ASB1: variants seen among roughly 807,000 people sequenced by gnomAD.
ASB1 encodes ankyrin repeat and SOCS box containing 1.
In ASB1, 18 loss-of-function variants were observed where a neutral mutation model predicts 27.7. The observed-to-expected ratio is 0.65, with a 90% CI of 0.45 to 0.96. ASB1 has a LOEUF of 0.96. ASB1 is among the 50% of genes least tolerant of loss of function. The pLI is 0.00. For synonymous variants in ASB1, 189 were observed against 187.6 expected (o/e 1.01, Z -0.06); for missense variants, 397 against 451.7 (o/e 0.88, Z 1.10).
At position 238,435,942 on chromosome 2, in the gene ASB1, G is replaced by T. The variant is rs918830206; in HGVS notation, c.423G>T (p.Arg141=). The part of the protein sequence containing the change: ...LEAGADPNGS[R]HHRSTPVYHA... ...CTGGCGCGGACCCCAACGGAAGCCG[G>T]CACCATCGCAGCACCCCTGTCTACC... Residue 141 remains arginine, a synonymous_variant, in exon 3 of 5, where the codon CGG becomes CGT. Transcript: ENST00000264607. 1 of 1,614,038 alleles carries T rather than the reference G, an allele frequency of 6.2e-7. No homozygotes were observed. The highest frequency in any genetic ancestry group is 1.3e-5 in the African/African-American group (1 of 74,948).
chr2:238,445,730 A>C (rs1702167576), intron 4 of ASB1, among the ~76,000 whole-genome samples: 1 of 152,146 alleles, frequency 6.6e-6, no homozygotes, highest in African/African-American at 2.4e-5. Context: ...AAGGACTTTA[A>C]ATTCATTGTG....
At chr2:238,438,067 T>C (rs1702005733) in intron 3 of ASB1, among the ~76,000 whole-genome samples, 1 of 152,194 alleles carries the variant, frequency 6.6e-6, no homozygotes. Context: ...GGAAATGCTT[T>C]TGAGTAGGAT....
chr2:238,437,291 G>A (rs1039775051), intron 3 of ASB1, among the ~76,000 whole-genome samples: 1 of 151,988 alleles, frequency 6.6e-6, no homozygotes, highest in Non-Finnish European at 1.5e-5. Context: ...GAGTGCAGTG[G>A]CGCGATCTTG....
intron 1 of ASB1, among the ~76,000 whole-genome samples, chr2:238,431,961 A>G (rs1280281521): frequency 6.6e-6 from 1 of 152,252 alleles, no homozygotes; most frequent in Non-Finnish European, 1.5e-5. Context: ...CACAAAATGG[A>G]CACATCCTGT....
At chr2:238,445,691 G>C (rs1010274848) in intron 4 of ASB1, among the ~76,000 whole-genome samples, 29 of 152,266 alleles carry the variant, frequency 1.9e-4, no homozygotes, top group African/African-American at 6.3e-4. Flanking sequence ...CATCCAAGTT[G>C]ATAACCTCTT....
intron 3 of ASB1, among the ~76,000 whole-genome samples, chr2:238,436,763 A>ACTCT (rs35982899): frequency 2.2e-5 from 3 of 137,624 alleles, no homozygotes; most frequent in Non-Finnish European, 4.5e-5. Context: ...TTAGGTTAGC[A>ACTCT]CTCTCTCTCT....
At chr2:238,427,434 A>G (rs565106507) in intron 1 of ASB1, 44 of 277,362 alleles carry the variant, frequency 1.6e-4, no homozygotes, top group Non-Finnish European at 2.7e-4. Context: ...CAAAAGTAGG[A>G]CGTGGGCCAC....
At position 238,451,041 on chromosome 2, in the gene ASB1, CG is replaced by C; in HGVS notation, c.*4531del. On this transcript the variant is annotated 3_prime_UTR_variant, in exon 5 of 5. Coordinates refer to ENST00000264607, the MANE Select transcript of ASB1 (RefSeq NM_001040445.3). ...CAGTGTGGAATGAACGCTCCAAACC[CG>C]AACCTCTCAGTGTGGAATGAACGCT... is the stretch of plus-strand genomic sequence containing the variant. The C allele has an allele frequency of 6.6e-6, 1 of 151,898 alleles. No homozygotes were observed. The highest frequency in any genetic ancestry group is 2.1e-4 in the South Asian group (1 of 4,782). 9.4% of individuals were successfully genotyped at this position (151,898 alleles called of 1,614,324 possible).
In ASB1 at chr2:238,448,374, C is replaced by T. The variant is rs1264059997; in HGVS notation, c.*1863C>T. 1.3e-5 allele frequency: 2 copies of T among 152,424 alleles called. No individual in the cohort carries two copies. Among genetic ancestry groups the T allele is most frequent in the Non-Finnish European group, 2.9e-5 (2 of 68,230 alleles). 9.4% of individuals were successfully genotyped at this position (152,424 alleles called of 1,614,324 possible). A position where few individuals can be genotyped will look rare whatever the true frequency, so the allele number is the denominator to read the frequency against. ...CACCACCGTGGACTGGGCCTTGTCA[C>T]TGGAGGTCGTAGGCAGTGGCTCATC... On this transcript the variant is annotated 3_prime_UTR_variant, in exon 5 of 5. Coordinates refer to ENST00000264607, the MANE Select transcript of ASB1 (RefSeq NM_001040445.3).
In ASB1 at chr2:238,451,947, A is replaced by C. The variant is rs1702294408; in HGVS notation, c.*5436A>C. The C allele has an allele frequency of 6.6e-6, 1 of 152,168 alleles. No homozygotes were observed. The highest frequency in any genetic ancestry group is 6.5e-5 in the Admixed American group (1 of 15,268). The allele number at this position is 152,168 out of a possible 1,614,324, so 9.4% of individuals were successfully genotyped here. The stretch of plus-strand genomic sequence containing the variant: ...AGGGAACTTGGGGCTCCAGGGACGT[A>C]CCCCAAATGTTGCCCAGGTTGAAAC... On this transcript the variant is annotated 3_prime_UTR_variant, in exon 5 of 5. Coordinates refer to ENST00000264607, the MANE Select transcript of ASB1 (RefSeq NM_001040445.3).
rs913141113 is a variant in ASB1, at chr2:238,452,072, C to T, written c.*5561C>T. On this transcript the variant is annotated 3_prime_UTR_variant, in exon 5 of 5. Coordinates refer to ENST00000264607, the MANE Select transcript of ASB1 (RefSeq NM_001040445.3). ...AACCTGTGGCTTTCAAGCAAGGTAC[C>T]GTTGTCCCCACAGTGTTCCGTGGGG... is the stretch of plus-strand genomic sequence containing the variant. 1 of 152,114 alleles carries T rather than the reference C, an allele frequency of 6.6e-6. No homozygotes were observed. Among genetic ancestry groups the T allele is most frequent in the African/African-American group, 2.4e-5 (1 of 41,386 alleles). The allele number at this position is 152,114 out of a possible 1,614,324, so 9.4% of individuals were successfully genotyped here. A position where few individuals can be genotyped will look rare whatever the true frequency, so the allele number is the denominator to read the frequency against.
intron 1 of ASB1, chr2:238,427,702 A>G (rs969848894): frequency 1.8e-4 from 27 of 152,512 alleles, no homozygotes; most frequent in African/African-American, 6.3e-4. Context: ...ACCTTCCAAA[A>G]TAACTGTCCT....
chr2:238,446,627 T>C lies in ASB1; in HGVS notation c.*116T>C. ...TCCTGATGGCTGTTGCTGCAGAAGA[T>C]GTCCTCGTAGACTGTCATTGCTCCT... On this transcript the variant is annotated 3_prime_UTR_variant, in exon 5 of 5. Transcript: ENST00000264607. 7.3e-7 allele frequency: 1 copy of C among 1,372,830 alleles called. No homozygotes were observed. Among genetic ancestry groups the C allele is most frequent in the Non-Finnish European group, 1.0e-6 (1 of 977,972 alleles). 85.0% of individuals were successfully genotyped at this position (1,372,830 alleles called of 1,614,324 possible). A position where few individuals can be genotyped will look rare whatever the true frequency, so the allele number is the denominator to read the frequency against.
intron 3 of ASB1, among the ~76,000 whole-genome samples, chr2:238,438,731 C>T (rs1477612090): frequency 6.6e-6 from 1 of 152,188 alleles, no homozygotes; most frequent in African/African-American, 2.4e-5. Context: ...TGCCAGTTCC[C>T]CCTTAGGGCT....
chr2:238,433,571 T>G lies in ASB1; in HGVS notation c.67T>G (p.Trp23Gly), dbSNP rs533507140. 1.2e-6 allele frequency: 2 copies of G among 1,613,790 alleles called. No homozygotes were observed. Among genetic ancestry groups the G allele is most frequent in the Admixed American group, 3.3e-5 (2 of 59,996 alleles). Residue 23 changes from tryptophan to glycine, a missense_variant, in exon 2 of 5, where the codon TGG becomes GGG. Physicochemically the swap from Trp to Gly is radical, Grantham distance 184. Coordinates refer to ENST00000264607, the MANE Select transcript of ASB1 (RefSeq NM_001040445.3). Reference sequence around the variant, plus strand: ...CAGTGCAGGTCGTAATCTGAAGGAGTGGCTGAGGGAGCAATTTTGTGATCA... The same window carrying G: ...CAGTGCAGGTCGTAATCTGAAGGAGGGGCTGAGGGAGCAATTTTGTGATCA... ...PGSAGRNLKE[W>G]LREQFCDHPL...
chr2:238,444,632 A>G lies in ASB1; in HGVS notation c.785A>G (p.Asn262Ser), dbSNP rs1702142960. The change falls in exon 4 of 5, where the codon AAC (asparagine) becomes AGC (serine). Residue 262 changes from asparagine (N) to serine (S), a missense_variant. By Grantham distance (46) the Asn-to-Ser change is conservative. Transcript: ENST00000264607. Reference protein sequence around the residue: ...FVSLLVEFGANLNLVKWESLG... With the variant: ...FVSLLVEFGASLNLVKWESLG... Reference sequence around the variant, plus strand: ...AGCCTGCTGGTAGAATTTGGAGCCAACCTGAATCTAGTGAAGTGGGAATCG... The same window carrying G: ...AGCCTGCTGGTAGAATTTGGAGCCAGCCTGAATCTAGTGAAGTGGGAATCG... The G allele has an allele frequency of 6.2e-7, 1 of 1,614,054 alleles. No individual in the cohort carries two copies. Among genetic ancestry groups the G allele is most frequent in the African/African-American group, 1.3e-5 (1 of 74,906 alleles).
At chr2:238,431,986 C>A (rs903471539) in intron 1 of ASB1, among the ~76,000 whole-genome samples, 1 of 152,186 alleles carries the variant, frequency 6.6e-6, no homozygotes, top group Non-Finnish European at 1.5e-5. Flanking sequence ...CAAATAGCTC[C>A]AAAAGACTTG....
At position 238,450,481 on chromosome 2, in the gene ASB1, C is replaced by T. The variant is rs775783475; in HGVS notation, c.*3970C>T. The T allele has an allele frequency of 6.6e-6, 1 of 152,232 alleles. No homozygotes were observed. The highest frequency in any genetic ancestry group is 6.5e-5 in the Admixed American group (1 of 15,288). The allele number at this position is 152,232 out of a possible 1,614,324, so 9.4% of individuals were successfully genotyped here. On this transcript the variant is annotated 3_prime_UTR_variant, in exon 5 of 5. Coordinates refer to ENST00000264607, the MANE Select transcript of ASB1 (RefSeq NM_001040445.3). ...CTGTTTGTCAGCCCCAGAATTTCTTCTTAAGTTCGCCTGTCTCTGAAATCC... is the reference window on the plus strand; with the variant it reads ...CTGTTTGTCAGCCCCAGAATTTCTTTTTAAGTTCGCCTGTCTCTGAAATCC...
rs1351934652 is a variant in ASB1, at chr2:238,449,258, CG to C, written c.*2748del. On this transcript the variant is annotated 3_prime_UTR_variant, in exon 5 of 5. Coordinates refer to ENST00000264607, the MANE Select transcript of ASB1 (RefSeq NM_001040445.3). Reference sequence around the variant, plus strand: ...ACAGAATAGGAAGAGTAGCACTTTCCGCCTAAGCACTTTAGGAAATCACCTT... The same window carrying C: ...ACAGAATAGGAAGAGTAGCACTTTCCCCTAAGCACTTTAGGAAATCACCTT... 4 of 152,204 alleles carry C rather than the reference CG, an allele frequency of 2.6e-5. No individual in the cohort carries two copies. Among genetic ancestry groups the C allele is most frequent in the African/African-American group, 9.7e-5 (4 of 41,430 alleles). The allele number at this position is 152,204 out of a possible 1,614,324, so 9.4% of individuals were successfully genotyped here.
Sources: allele counts gnomAD v4.1 joint callset (sites outside exome capture counted in the v4.1 genomes callset), GRCh38; gene constraint gnomAD v4.1.1; transcripts MANE v1.5; gene names NCBI Gene and HGNC (gene_info 2026-07-23, HGNC 2026-07-21).